The following HIVEP2 variants were observed in gnomAD, a reference collection of about 807,000 sequenced individuals.
HIVEP2 encodes transcription factor HIVEP2.
A neutral mutation model predicts 180.7 loss-of-function variants in HIVEP2; 14 were observed. The ratio of observed to expected loss-of-function variants is 0.08; its 90% CI spans 0.05 to 0.12. The LOEUF is 0.12. HIVEP2 is among the 10% of genes least tolerant of loss of function. The pLI, the probability that HIVEP2 is intolerant of heterozygous loss-of-function variation, is 1.00. For synonymous variants in HIVEP2, 1,184 were observed against 1,136.4 expected, an observed-to-expected ratio of 1.04 and a Z score of -0.84; for missense variants, 2,579 against 3,008.5, an observed-to-expected ratio of 0.86 and a Z score of 3.34.
At chr6:142,840,004 T>C (rs978111900) in intron 1 of HIVEP2, among the ~76,000 whole-genome samples, 7 of 152,110 alleles carry the variant, frequency 4.6e-5, no homozygotes, top group Admixed American at 1.3e-4. Context: ...ACAGCAACTA[T>C]GTTAAACTTG....
intron 7 of HIVEP2, among the ~76,000 whole-genome samples, chr6:142,762,309 A>G (rs1476956960): frequency 1.3e-5 from 2 of 152,174 alleles, no homozygotes; most frequent in Admixed American, 6.5e-5. Flanking sequence ...ATATGTTATA[A>G]TGATAATGGC....
intron 3 of HIVEP2, among the ~76,000 whole-genome samples, chr6:142,777,648 C>CAAAAAAAAAAAA (rs58304452): frequency 3.6e-4 from 10 of 27,674 alleles, no homozygotes; most frequent in Non-Finnish European, 4.6e-4. Context: ...AACTCCATCT[C>CAAAAAAAAAAAA]AAAAAAAAAA....
chr6:142,875,961 G>A (rs1346870054), intron 1 of HIVEP2, among the ~76,000 whole-genome samples: 1 of 152,156 alleles, frequency 6.6e-6, no homozygotes, highest in Non-Finnish European at 1.5e-5. Flanking sequence ...TGGGATATCT[G>A]CTAGAAAGAG....
intron 7 of HIVEP2, among the ~76,000 whole-genome samples, chr6:142,762,082 T>C (rs1775257195): frequency 6.6e-6 from 1 of 152,118 alleles, no homozygotes. Flanking sequence ...TACAAACTAA[T>C]GTGAGGGCCA....
intron 2 of HIVEP2, among the ~76,000 whole-genome samples, chr6:142,832,623 T>C (rs1775118744): frequency 6.6e-6 from 1 of 152,202 alleles, no homozygotes; most frequent in South Asian, 2.1e-4. Context: ...GAGACATCAA[T>C]GTGATATCAG....
intron 7 of HIVEP2, among the ~76,000 whole-genome samples, chr6:142,762,795 T>A (rs1775283386): frequency 6.6e-6 from 1 of 152,230 alleles, no homozygotes. Flanking sequence ...ATTGCTTTAT[T>A]ATTTACTTAT....
chr6:142,871,617 T>TA (rs35262877), intron 1 of HIVEP2, among the ~76,000 whole-genome samples: 36,821 of 147,090 alleles, frequency 0.25, 4,962 homozygotes, highest in East Asian at 0.36. Flanking sequence ...AGATCAGAAG[T>TA]AAAAAAAAAA....
intron 1 of HIVEP2, among the ~76,000 whole-genome samples, chr6:142,873,914 T>A (rs1562274115): frequency 6.6e-6 from 1 of 152,076 alleles, no homozygotes. Flanking sequence ...CTGACCAACA[T>A]CAAAAGAAAC....
intron 1 of HIVEP2, among the ~76,000 whole-genome samples, chr6:142,904,552 A>C (rs1371898978): frequency 1.3e-5 from 2 of 152,166 alleles, no homozygotes; most frequent in African/African-American, 2.4e-5. Flanking sequence ...CACAACTGAT[A>C]AATTTCCTAC....
chr6:142,839,811 A>G (rs1014523189), intron 1 of HIVEP2, among the ~76,000 whole-genome samples: 1 of 152,138 alleles, frequency 6.6e-6, no homozygotes, highest in African/African-American at 2.4e-5. Flanking sequence ...AACTCTTTTA[A>G]TAGTCATCAA....
intron 1 of HIVEP2, among the ~76,000 whole-genome samples, chr6:142,891,356 C>G (rs952594686): frequency 6.6e-6 from 1 of 151,560 alleles, no homozygotes; most frequent in African/African-American, 2.4e-5. Flanking sequence ...TAGCAAAATA[C>G]TAGGTATTAC....
Position 142,772,776 on chromosome 6 carries a change from T to C in HIVEP2, c.1963A>G (p.Lys655Glu), listed in dbSNP as rs1562508022. 6.2e-7 allele frequency: 1 copy of C among 1,614,204 alleles called. No individual in the cohort carries two copies. Among genetic ancestry groups the C allele is most frequent in the Non-Finnish European group, 8.5e-7 (1 of 1,180,044 alleles). The change falls in exon 5 of 10, where the codon AAG becomes GAG. Residue 655 changes from lysine (K) to glutamate (E), a missense_variant. Physicochemically the swap from Lys to Glu is moderately conservative, Grantham distance 56. Coordinates refer to ENST00000367603, the MANE Select transcript of HIVEP2 (RefSeq NM_006734.4). This position sits in a 1 kb window ranked among gnomAD's most constrained non-coding sequence, Gnocchi z 4.9. ...YKKWEDSETP[K>E]QNYRDISCLS... ...CAGGAAATGTCCCTGTAGTTTTGCT[T>C]TGGTGTTTCAGAGTCCTCCCACTTC...
At chr6:142,936,680 T>TA (rs776433831) in intron 1 of HIVEP2, among the ~76,000 whole-genome samples, 1 of 152,190 alleles carries the variant, frequency 6.6e-6, no homozygotes, top group East Asian at 1.9e-4. Context: ...TAATAAGTCT[T>TA]ACGATGTTTC....
intron 1 of HIVEP2, among the ~76,000 whole-genome samples, chr6:142,922,845 C>T (rs1777715095): frequency 6.6e-6 from 1 of 152,012 alleles, no homozygotes; most frequent in Admixed American, 6.5e-5. Context: ...CTGTCTTGTC[C>T]CCTCCTATTA....
At chr6:142,913,939 C>T (rs930845353) in intron 1 of HIVEP2, among the ~76,000 whole-genome samples, 1 of 152,148 alleles carries the variant, frequency 6.6e-6, no homozygotes, top group Non-Finnish European at 1.5e-5. Flanking sequence ...CGTGTCTCTC[C>T]CACCACAGTG....
At chr6:142,856,593 A>G (rs905837665) in intron 1 of HIVEP2, among the ~76,000 whole-genome samples, 10 of 152,250 alleles carry the variant, frequency 6.6e-5, no homozygotes, top group Admixed American at 1.3e-4. Context: ...TTCACAAAAG[A>G]GAAGCGTGAG....
intron 2 of HIVEP2, among the ~76,000 whole-genome samples, chr6:142,798,316 G>C (rs993812194): frequency 1.3e-5 from 2 of 152,046 alleles, no homozygotes; most frequent in South Asian, 2.1e-4. Flanking sequence ...GCTCCTCAAG[G>C]CTTCACAGAT....
At chr6:142,769,486 C>T (rs1775464190) in intron 5 of HIVEP2, 66 bp downstream of exon 5, 16 of 1,368,414 alleles carry the variant, frequency 1.2e-5, no homozygotes, top group Non-Finnish European at 1.6e-5. Flanking sequence ...TTATATCCTT[C>T]ACTATGTAGT....
chr6:142,909,300 T>G (rs1284176102), intron 1 of HIVEP2, among the ~76,000 whole-genome samples: 1 of 152,184 alleles, frequency 6.6e-6, no homozygotes, highest in Non-Finnish European at 1.5e-5. Context: ...GACAAAAATC[T>G]ATCTGAACAT....
Sources: allele counts gnomAD v4.1 joint callset (sites outside exome capture counted in the v4.1 genomes callset), GRCh38; gene constraint gnomAD v4.1.1; non-coding constraint Gnocchi (gnomAD v3.1); transcripts MANE v1.5; gene names NCBI Gene and HGNC (gene_info 2026-07-23, HGNC 2026-07-21).